AFG2A: variants seen among roughly 807,000 people sequenced by gnomAD.
The protein encoded by AFG2A is AAA ATPase AFG2A.
the AFG2A span, among the ~76,000 whole-genome samples, chr4:123,271,356 T>G: frequency 6.6e-6 from 1 of 152,248 alleles, no homozygotes; most frequent in Admixed American, 6.5e-5. Flanking sequence ...CTTCTGGTTC[T>G]TTTCACTTGT....
At chr4:123,080,961 A>G in the AFG2A span, among the ~76,000 whole-genome samples, 2 of 151,594 alleles carry the variant, frequency 1.3e-5, no homozygotes, top group African/African-American at 2.4e-5. Flanking sequence ...TTTTTAGAGT[A>G]GTTTTGGGTT....
the AFG2A span, chr4:122,979,469 T>C: frequency 7.0e-7 from 1 of 1,427,188 alleles, no homozygotes. Flanking sequence ...ACTGACTTCC[T>C]AGGCTAAACT....
At chr4:123,185,321 G>A in the AFG2A span, among the ~76,000 whole-genome samples, 2,289 of 151,708 alleles carry the variant, frequency 0.015, 56 homozygotes, top group African/African-American at 0.053. Flanking sequence ...GTATTCAAAG[G>A]TTCATAACAT....
At chr4:123,139,298 C>G in the AFG2A span, among the ~76,000 whole-genome samples, 138,096 of 152,138 alleles carry the variant, frequency 0.91, 62,916 homozygotes, top group East Asian at 0.98. Context: ...CATTCAGAAA[C>G]ATTCATTAAA....
chr4:122,939,362 G>A, the AFG2A span, among the ~76,000 whole-genome samples: 5 of 152,198 alleles, frequency 3.3e-5, no homozygotes, highest in South Asian at 2.1e-4. Context: ...GATTACAGGC[G>A]TGAGCCACCG....
chr4:123,192,052 A>T, the AFG2A span, among the ~76,000 whole-genome samples: 1 of 150,866 alleles, frequency 6.6e-6, no homozygotes, highest in South Asian at 2.1e-4. Context: ...CTTGAGTCAG[A>T]GTCTCAGTCT....
chr4:123,218,026 A>G, the AFG2A span, among the ~76,000 whole-genome samples: 1 of 152,174 alleles, frequency 6.6e-6, no homozygotes, highest in Non-Finnish European at 1.5e-5. Flanking sequence ...AGTATTCGAG[A>G]AAGTTTGTTC....
the AFG2A span, among the ~76,000 whole-genome samples, chr4:123,265,556 T>C: frequency 1.3e-5 from 2 of 152,110 alleles, 1 homozygote; most frequent in South Asian, 4.1e-4. Flanking sequence ...CCAGAACACC[T>C]TGTGCTGCCA....
chr4:123,235,243 C>T, the AFG2A span, among the ~76,000 whole-genome samples: 1 of 152,066 alleles, frequency 6.6e-6, no homozygotes, highest in South Asian at 2.1e-4. Flanking sequence ...ATACTCATGA[C>T]TATTTTATGT....
At chr4:122,957,108 G>T in the AFG2A span, among the ~76,000 whole-genome samples, 2 of 151,498 alleles carry the variant, frequency 1.3e-5, no homozygotes, top group African/African-American at 4.8e-5. Context: ...GGGAGAACAA[G>T]AAAAAAATGG....
chr4:123,307,884 A>C, the AFG2A span, among the ~76,000 whole-genome samples: 2 of 152,322 alleles, frequency 1.3e-5, no homozygotes, highest in Non-Finnish European at 2.9e-5. Flanking sequence ...GGAGCAATAG[A>C]ATAGACCCTA....
the AFG2A span, among the ~76,000 whole-genome samples, chr4:122,982,780 A>G: frequency 6.7e-6 from 1 of 149,198 alleles, no homozygotes; most frequent in Non-Finnish European, 1.5e-5. Flanking sequence ...AATTGTTCAT[A>G]TTAGTCTCTT....
At chr4:123,021,538 T>G in the AFG2A span, among the ~76,000 whole-genome samples, 5 of 152,204 alleles carry the variant, frequency 3.3e-5, no homozygotes, top group Admixed American at 3.3e-4. Flanking sequence ...ACTATAAGAA[T>G]CACTTGATTG....
the AFG2A span, chr4:123,057,309 C>T: frequency 6.4e-7 from 1 of 1,551,416 alleles, no homozygotes; most frequent in Non-Finnish European, 8.9e-7. Context: ...TTTAATAGCA[C>T]TGCTATTACA....
chr4:123,161,366 A>G, the AFG2A span, among the ~76,000 whole-genome samples: 1 of 152,344 alleles, frequency 6.6e-6, no homozygotes, highest in Non-Finnish European at 1.5e-5. Context: ...AAGAAACTCA[A>G]GAACATTTAG....
the AFG2A span, among the ~76,000 whole-genome samples, chr4:123,144,467 A>G: frequency 1.3e-5 from 2 of 152,052 alleles, no homozygotes; most frequent in Admixed American, 6.6e-5. Context: ...TTGATCTGCT[A>G]TGCACTGACC....
the AFG2A span, among the ~76,000 whole-genome samples, chr4:123,262,435 G>A: frequency 6.6e-6 from 1 of 152,176 alleles, no homozygotes; most frequent in Non-Finnish European, 1.5e-5. Context: ...ACAAACCTGG[G>A]ACCAGAAACC....
chr4:122,995,354 A>G, the AFG2A span, among the ~76,000 whole-genome samples: 2 of 152,216 alleles, frequency 1.3e-5, no homozygotes, highest in East Asian at 1.9e-4. Context: ...AGTGTCTTCT[A>G]TCACTCCCAA....
chr4:123,164,338 G>A, the AFG2A span, among the ~76,000 whole-genome samples: 1 of 152,040 alleles, frequency 6.6e-6, no homozygotes, highest in African/African-American at 2.4e-5. Context: ...TTTGAAGAGA[G>A]GAAACTGTAT....
Sources: gnomAD v4.1 joint callset for allele counts (sites outside exome capture counted in the v4.1 genomes callset) on GRCh38, gnomAD v4.1.1 for gene constraint, MANE v1.5 for transcripts, NCBI Gene and HGNC (gene_info 2026-07-23, HGNC 2026-07-21) for gene names.